Variants in CELF2 observed in about 807,000 individuals in gnomAD.
The protein encoded by CELF2 is CUG triplet repeat RNA-binding protein 2.
A neutral mutation model predicts 62.6 loss-of-function variants in CELF2; 8 were observed. The ratio of observed to expected loss-of-function variants is 0.13; its 90% CI spans 0.07 to 0.23. The LOEUF (loss-of-function observed/expected upper bound fraction) is 0.23. Among genes scored for constraint, CELF2 ranks in the 10% least tolerant of loss-of-function variants. The probability of loss-of-function intolerance (pLI) is 1.00; values close to 1 mark genes in which losing one functional copy is unlikely to be tolerated. For missense variants in CELF2, 333 were observed against 671.0 expected (o/e 0.50, Z 5.56); for synonymous variants, 258 against 250.0 (o/e 1.03, Z -0.30).
chr10:10,685,518 T>G, the CELF2 span, among the ~76,000 whole-genome samples: 1 of 152,358 alleles, frequency 6.6e-6, no homozygotes, highest in East Asian at 1.9e-4. Context: ...GTAGATTCAC[T>G]TCTAATACTA....
the CELF2 span, among the ~76,000 whole-genome samples, chr10:10,500,520 A>G: frequency 0.032 from 4,927 of 152,240 alleles, 208 homozygotes; most frequent in African/African-American, 0.1. Context: ...ATAAAGCACA[A>G]ATTCTCTCTT....
intron 2 of CELF2, among the ~76,000 whole-genome samples, chr10:10,998,261 G>A (rs1429604730): frequency 6.6e-6 from 1 of 152,126 alleles, no homozygotes; most frequent in African/African-American, 2.4e-5. Context: ...GCTTCCTAAT[G>A]GCAGAGTCTT....
intron 2 of CELF2, among the ~76,000 whole-genome samples, chr10:10,932,666 A>ATGTATG (rs1371844129): frequency 7.0e-5 from 9 of 129,156 alleles, no homozygotes; most frequent in African/African-American, 1.7e-4. Flanking sequence ...TAAAGTAAAT[A>ATGTATG]TGTATGTGTA....
chr10:11,054,507 G>GTGTGTA (rs1554804123), intron 1 of CELF2, among the ~76,000 whole-genome samples: 17,390 of 151,196 alleles, frequency 0.12, 1,021 homozygotes, highest in Non-Finnish European at 0.13. Context: ...GTGTGTGTGT[G>GTGTGTA]TGTGTGTGTG....
the CELF2 span, among the ~76,000 whole-genome samples, chr10:10,604,427 A>G: frequency 1.8e-4 from 27 of 152,348 alleles, no homozygotes; most frequent in African/African-American, 6.5e-4. Flanking sequence ...AGAAAGAGTA[A>G]AATGAATCTC....
rs1270812544 is a variant in CELF2 at position 10,993,129 on chromosome 10, A to C, written c.89+73130A>C. Among the ~76,000 whole-genome samples the C allele has an allele frequency of 6.6e-6, 1 of 152,146 alleles. No homozygotes were observed. Among genetic ancestry groups the C allele is most frequent in the Non-Finnish European group, 1.5e-5 (1 of 68,014 alleles). ...CAGGGCCAGCTGCTGTTTCCCACCG[A>C]AGAGGCGAGTCAGCAGATCAGTAAT... On this transcript the variant is annotated intron_variant, in intron 2 of 13. Coordinates refer to the CELF2 transcript ENST00000636488. The surrounding 1 kb of genome is among the most constrained non-coding windows in gnomAD (Gnocchi z 5.3).
the CELF2 span, among the ~76,000 whole-genome samples, chr10:10,762,476 A>T: frequency 6.6e-6 from 1 of 152,198 alleles, no homozygotes; most frequent in African/African-American, 2.4e-5. Context: ...GGGAAAAGAA[A>T]GAGTAGATTA....
chr10:10,838,806 C>G (rs2058478893), intron 1 of CELF2, among the ~76,000 whole-genome samples: 1 of 152,058 alleles, frequency 6.6e-6, no homozygotes, highest in African/African-American at 2.4e-5. Context: ...TTTCCCCTGT[C>G]CTAGAATCAG....
chr10:10,975,563 A>T (rs904124512), intron 2 of CELF2, among the ~76,000 whole-genome samples: 1 of 152,216 alleles, frequency 6.6e-6, no homozygotes, highest in Non-Finnish European at 1.5e-5. Context: ...CTACAACTGG[A>T]CCATCTAATT....
In CELF2 at chr10:11,165,263, C is replaced by G; in HGVS notation, c.75-223C>G. ...GGCGCTGCCCCGTGCTCCCCCGGCT[C>G]TGCTCGACAGCAGCACGCAGTGAGA... On this transcript the variant is annotated intron_variant, in intron 1 of 12. Transcript: ENST00000633077. This position sits in a 1 kb window ranked among gnomAD's most constrained non-coding sequence, Gnocchi z 7.4. 1 of 1,378,854 alleles carries G rather than the reference C, an allele frequency of 7.3e-7. No homozygotes were observed. Among genetic ancestry groups the G allele is most frequent in the Non-Finnish European group, 9.4e-7 (1 of 1,066,048 alleles). The allele number at this position is 1,378,854 out of a possible 1,614,324, so 85.4% of individuals were successfully genotyped here.
chr10:11,163,934 G>T (rs530084274), intron 1 of CELF2, among the ~76,000 whole-genome samples: 1 of 152,306 alleles, frequency 6.6e-6, no homozygotes, highest in South Asian at 2.1e-4. Context: ...TATTTGTCTG[G>T]TGTTTCATTT....
chr10:10,652,742 C>A, the CELF2 span, among the ~76,000 whole-genome samples: 888 of 152,126 alleles, frequency 5.8e-3, 2 homozygotes, highest in Non-Finnish European at 8.2e-3. Flanking sequence ...TGGAAAGGAA[C>A]AATCGGTACC....
chr10:11,047,813 C>T (rs1239984209), intron 1 of CELF2, among the ~76,000 whole-genome samples: 1 of 151,996 alleles, frequency 6.6e-6, no homozygotes, highest in African/African-American at 2.4e-5. Flanking sequence ...TCTTATGTTG[C>T]CTATATTTAG....
At chr10:10,952,193 C>G (rs192957019) in intron 2 of CELF2, 1 of 152,348 alleles carries the variant, frequency 6.6e-6, no homozygotes, top group Admixed American at 6.5e-5. Context: ...GCCAGCATTA[C>G]CACGTTGGTT....
Position 11,255,250 on chromosome 10 carries a change from A to G in CELF2, c.404-2488A>G, listed in dbSNP as rs1195122041. Among the ~76,000 whole-genome samples, 3 of 152,192 alleles carry G rather than the reference A, an allele frequency of 2.0e-5. No individual in the cohort carries two copies. The highest frequency in any genetic ancestry group is 4.4e-5 in the Non-Finnish European group (3 of 68,030). On this transcript the variant is annotated intron_variant, in intron 4 of 12. Transcript: ENST00000633077. This position sits in a 1 kb window ranked among gnomAD's most constrained non-coding sequence, Gnocchi z 5.5. ...TCAGGTCCTCAGCAGTCTCCCTCCC[A>G]GGAATTGGAGCCCGGGGTGCCTGTT...
chr10:10,561,241 A>G, the CELF2 span, among the ~76,000 whole-genome samples: 10 of 152,204 alleles, frequency 6.6e-5, no homozygotes, highest in South Asian at 6.2e-4. Flanking sequence ...TACCAGACCC[A>G]TGACTATTTG....
chr10:10,812,361 T>G (rs2055995348), intron 1 of CELF2, among the ~76,000 whole-genome samples: 1 of 152,162 alleles, frequency 6.6e-6, no homozygotes. Flanking sequence ...CACTGAGTCC[T>G]TCCCACAACA....
At chr10:10,581,967 G>A in the CELF2 span, among the ~76,000 whole-genome samples, 1 of 152,136 alleles carries the variant, frequency 6.6e-6, no homozygotes, top group Non-Finnish European at 1.5e-5. Context: ...GGCACAGGTT[G>A]CAGTGAGCTG....
At chr10:10,864,993 G>A (rs1170804811) in intron 1 of CELF2, among the ~76,000 whole-genome samples, 1 of 152,154 alleles carries the variant, frequency 6.6e-6, no homozygotes, top group Non-Finnish European at 1.5e-5. Flanking sequence ...GTGGTGTGGT[G>A]TTGTTTGGAT....
Sources: gnomAD v4.1 joint callset for allele counts (sites outside exome capture counted in the v4.1 genomes callset) on GRCh38, gnomAD v4.1.1 for gene constraint, Gnocchi (gnomAD v3.1) non-coding constraint, MANE v1.5 for transcripts, NCBI Gene and HGNC (gene_info 2026-07-23, HGNC 2026-07-21) for gene names.